Variants in IL1RAPL2 observed in about 807,000 individuals in gnomAD.
IL1RAPL2 encodes interleukin 1 receptor accessory protein like 2.
Under a neutral mutation model 44.1 loss-of-function variants are expected in IL1RAPL2, and 3 were observed. The ratio of observed to expected loss-of-function variants is 0.07; its 90% confidence interval spans 0.03 to 0.18. The LOEUF (loss-of-function observed/expected upper bound fraction) is 0.18. IL1RAPL2 is among the 10% of genes least tolerant of loss of function. IL1RAPL2 has a pLI of 1.00. For missense variants in IL1RAPL2, 391 were observed against 496.4 expected, an observed-to-expected ratio of 0.79 and a Z score of 2.02; for synonymous variants, 181 against 178.8, an observed-to-expected ratio of 1.01 and a Z score of -0.10.
In IL1RAPL2 at chrX:105,404,420, G is replaced by A. The variant is rs180885912; in HGVS notation, c.698-79893G>A. Among the ~76,000 whole-genome samples, 3 of 111,980 alleles carry A rather than the reference G, an allele frequency of 2.7e-5. No homozygotes were observed. In the East Asian group the frequency reaches 8.5e-4, roughly 32 times the overall value. ...TACCTCATCACACCACCATGGATTAGACTGTTAGTATTTGTTGCTTTTATT... is the reference window on the plus strand; with the variant it reads ...TACCTCATCACACCACCATGGATTAAACTGTTAGTATTTGTTGCTTTTATT... On this transcript the variant is annotated intron_variant, in intron 5 of 10. Transcript: ENST00000372582.
chrX:105,292,018 G>T (rs375698629), intron 5 of IL1RAPL2, among the ~76,000 whole-genome samples: 1 of 110,776 alleles, frequency 9.0e-6, no homozygotes, highest in Non-Finnish European at 1.9e-5. Context: ...GCATATGCAG[G>T]GCGAGATAGG....
chrX:105,363,291 T>TATATATATATATATAATATATATATA (rs1556299024), intron 5 of IL1RAPL2, among the ~76,000 whole-genome samples: 3 of 70,267 alleles, frequency 4.3e-5, no homozygotes, highest in East Asian at 7.6e-4. Flanking sequence ...ATATATATAA[T>TATATATATATATATAATATATATATA]ATATATATAT....
chrX:105,662,863 C>G (rs1031324042), intron 6 of IL1RAPL2, among the ~76,000 whole-genome samples: 1 of 112,075 alleles, frequency 8.9e-6, no homozygotes, highest in Non-Finnish European at 1.9e-5. Flanking sequence ...AGATACTGAA[C>G]AGAACCAGCT....
At chrX:105,500,401 A>G (rs1349883534) in intron 6 of IL1RAPL2, among the ~76,000 whole-genome samples, 1 of 111,287 alleles carries the variant, frequency 9.0e-6, no homozygotes, top group East Asian at 2.8e-4. Context: ...ACAGAGATCT[A>G]TTAACTCAGA....
At chrX:104,639,796 G>A (rs1182005395) in intron 1 of IL1RAPL2, among the ~76,000 whole-genome samples, 1 of 111,649 alleles carries the variant, frequency 9.0e-6, no homozygotes, top group Non-Finnish European at 1.9e-5. Flanking sequence ...TTCTTTGCTG[G>A]CAGTTTTTTT....
intron 5 of IL1RAPL2, among the ~76,000 whole-genome samples, chrX:105,384,745 G>A (rs1266699220): frequency 9.0e-6 from 1 of 110,887 alleles, no homozygotes; most frequent in Non-Finnish European, 1.9e-5. Context: ...CATGAACATG[G>A]GGTAGCTGTC....
intron 2 of IL1RAPL2, among the ~76,000 whole-genome samples, chrX:105,173,703 A>T (rs2033445652): frequency 9.2e-6 from 1 of 108,161 alleles, no homozygotes; most frequent in Non-Finnish European, 1.9e-5. Flanking sequence ...TTGAGGTGTT[A>T]TACCTAGAGT....
At chrX:104,753,287 G>A (rs777747494) in intron 2 of IL1RAPL2, among the ~76,000 whole-genome samples, 1 of 110,365 alleles carries the variant, frequency 9.1e-6, no homozygotes, top group South Asian at 3.9e-4. Flanking sequence ...CAATCTACAC[G>A]AGGATTTGTA....
intron 1 of IL1RAPL2, among the ~76,000 whole-genome samples, chrX:104,613,880 G>C (rs1004269435): frequency 5.8e-5 from 6 of 103,705 alleles, no homozygotes; most frequent in African/African-American, 2.1e-4. Context: ...CTCGCTATTG[G>C]TCTGTTCAGA....
At chrX:104,581,524 GA>G (rs1382042099) in intron 1 of IL1RAPL2, among the ~76,000 whole-genome samples, 1 of 111,626 alleles carries the variant, frequency 9.0e-6, no homozygotes, top group East Asian at 2.8e-4. Flanking sequence ...GTAGGTATTT[GA>G]AAATTCATGT....
intron 2 of IL1RAPL2, among the ~76,000 whole-genome samples, chrX:104,995,844 T>C (rs2030738672): frequency 9.0e-6 from 1 of 111,648 alleles, no homozygotes; most frequent in Non-Finnish European, 1.9e-5. Flanking sequence ...TGAAAGGGTG[T>C]CACCATTTTA....
intron 2 of IL1RAPL2, among the ~76,000 whole-genome samples, chrX:104,946,402 A>AAAAAAAAAAAC (rs1556018731): frequency 2.1e-5 from 2 of 95,674 alleles, no homozygotes; most frequent in African/African-American, 3.8e-5. Flanking sequence ...AAAAAAAAAA[A>AAAAAAAAAAAC]AAAAAAACTT....
chrX:104,824,340 G>A (rs936790292), intron 2 of IL1RAPL2, among the ~76,000 whole-genome samples: 7 of 111,802 alleles, frequency 6.3e-5, no homozygotes, highest in Non-Finnish European at 1.3e-4. Context: ...ATATTGGCCT[G>A]AAATTTTGTT....
intron 2 of IL1RAPL2, among the ~76,000 whole-genome samples, chrX:104,672,270 C>A (rs1380191075): frequency 1.8e-5 from 2 of 110,660 alleles, no homozygotes; most frequent in African/African-American, 3.3e-5. Context: ...TAACAGTCCC[C>A]AGAGTGTGAT....
chrX:104,959,641 A>G (rs1397363402), intron 2 of IL1RAPL2, among the ~76,000 whole-genome samples: 4 of 111,591 alleles, frequency 3.6e-5, no homozygotes. Context: ...GAGGGTACCA[A>G]TTGGGGATCA....
intron 2 of IL1RAPL2, among the ~76,000 whole-genome samples, chrX:104,955,572 TTA>T (rs1052513496): frequency 8.3e-5 from 9 of 107,963 alleles, no homozygotes; most frequent in African/African-American, 3.0e-4. Context: ...ATATATATAT[TTA>T]TATAAAATAC....
At chrX:105,216,335 A>C (rs2033857853) in intron 3 of IL1RAPL2, among the ~76,000 whole-genome samples, 1 of 111,040 alleles carries the variant, frequency 9.0e-6, no homozygotes, top group African/African-American at 3.3e-5. Flanking sequence ...CAGAGAGCCA[A>C]ATCATGAGTG....
chrX:104,946,047 A>G (rs1192802165), intron 2 of IL1RAPL2, among the ~76,000 whole-genome samples: 1 of 110,308 alleles, frequency 9.1e-6, no homozygotes, highest in Non-Finnish European at 1.9e-5. Context: ...AGTCCAAATT[A>G]TCATTTATTA....
chrX:105,323,881 C>G (rs1242553105), intron 5 of IL1RAPL2, among the ~76,000 whole-genome samples: 3 of 108,305 alleles, frequency 2.8e-5, no homozygotes, highest in Non-Finnish European at 5.8e-5. Context: ...GTCACACACA[C>G]ACACACACAC....
Sources: allele counts gnomAD v4.1 joint callset (sites outside exome capture counted in the v4.1 genomes callset), GRCh38; gene constraint gnomAD v4.1.1; transcripts MANE v1.5; gene names NCBI Gene and HGNC (gene_info 2026-07-23, HGNC 2026-07-21).